The following ZNF385D variants were observed in gnomAD, a reference collection of about 807,000 sequenced individuals.
ZNF385D encodes zinc finger protein 385D.
In ZNF385D, 15 loss-of-function variants were observed where a neutral mutation model predicts 35.8. The observed-to-expected ratio is 0.42, with a 90% CI of 0.28 to 0.64. The LOEUF is 0.64. Ranked by LOEUF, ZNF385D falls within the 30% of genes least tolerant of loss-of-function variation. ZNF385D has a pLI of 0.23. For missense variants in ZNF385D, 474 were observed against 494.6 expected, an observed-to-expected ratio of 0.96 and a Z score of 0.39; for synonymous variants, 212 against 186.8, an observed-to-expected ratio of 1.13 and a Z score of -1.10.
Position 22,155,335 on chromosome 3 carries a change from T to C in ZNF385D, c.325+13482A>G, listed in dbSNP as rs1173604404. Among the ~76,000 whole-genome samples the C allele has an allele frequency of 2.0e-5, 3 of 152,180 alleles. No individual in the cohort carries two copies. In the East Asian group the frequency reaches 5.8e-4, roughly 29 times the overall value. On this transcript the variant is annotated intron_variant, in intron 3 of 5. Coordinates refer to the ZNF385D transcript ENST00000494108. ...TTTTTTCCATCAGAAATGAAATGAA[T>C]TAAAATAGTCCCTGATGCTTGTATT...
intron 2 of ZNF385D, among the ~76,000 whole-genome samples, chr3:22,283,745 C>T (rs902805449): frequency 2.0e-5 from 3 of 152,082 alleles, no homozygotes; most frequent in African/African-American, 7.2e-5. Context: ...TCAGTCTGTT[C>T]CCTAGCACAG....
chr3:21,730,688 A>T (rs1442920747), intron 1 of ZNF385D, among the ~76,000 whole-genome samples: 1 of 152,248 alleles, frequency 6.6e-6, no homozygotes, highest in African/African-American at 2.4e-5. Context: ...ACAACTGCTC[A>T]TGAGTTCTTA....
chr3:21,580,747 A>G (rs1220664694), intron 2 of ZNF385D, among the ~76,000 whole-genome samples: 1 of 152,002 alleles, frequency 6.6e-6, no homozygotes, highest in East Asian at 1.9e-4. Flanking sequence ...TGTTTTGCTC[A>G]AAAATGCAAA....
At chr3:21,738,056 T>C (rs554700096) in intron 1 of ZNF385D, among the ~76,000 whole-genome samples, 38 of 152,364 alleles carry the variant, frequency 2.5e-4, no homozygotes, top group Non-Finnish European at 1.5e-4. Flanking sequence ...GCAGACTTCC[T>C]GAAAGGGACC....
chr3:22,229,660 T>TCTTG (rs1295354388), intron 2 of ZNF385D, among the ~76,000 whole-genome samples: 1 of 152,192 alleles, frequency 6.6e-6, no homozygotes, highest in Non-Finnish European at 1.5e-5. Flanking sequence ...CTCAAGCCAC[T>TCTTG]CTTGGTCAAA....
At chr3:21,840,060 G>A (rs554593848) in intron 3 of ZNF385D, among the ~76,000 whole-genome samples, 9 of 152,150 alleles carry the variant, frequency 5.9e-5, no homozygotes, top group East Asian at 5.8e-4. Flanking sequence ...GAAAAAAGAA[G>A]AATGTGATAA....
Position 21,856,476 on chromosome 3 carries a change from T to G in ZNF385D, c.326-191448A>C, listed in dbSNP as rs144815063. Among the ~76,000 whole-genome samples, 1,440 of 152,184 alleles carry G rather than the reference T, an allele frequency of 9.5e-3. 72 individuals carry two copies. Among genetic ancestry groups the G allele is most frequent in the Admixed American group, 0.088 (1,338 of 15,266 alleles). On this transcript the variant is annotated intron_variant, in intron 3 of 5. Transcript: ENST00000494108. ...ATCAATAAACACTTCAAAATTAACA[T>G]GTAAAATATGCAACTCTTGATCTTT...
At chr3:21,893,632 T>C (rs1274907203) in intron 3 of ZNF385D, among the ~76,000 whole-genome samples, 1 of 152,190 alleles carries the variant, frequency 6.6e-6, no homozygotes, top group Non-Finnish European at 1.5e-5. Flanking sequence ...AGAAGTTCAT[T>C]TGAAATTCTA....
intron 1 of ZNF385D, among the ~76,000 whole-genome samples, chr3:21,718,573 T>C (rs1278477901): frequency 3.9e-5 from 6 of 152,248 alleles, no homozygotes; most frequent in African/African-American, 1.2e-4. Context: ...ATTATCTCTA[T>C]AGATGAGAAA....
intron 2 of ZNF385D, among the ~76,000 whole-genome samples, chr3:22,184,050 G>T (rs1414809228): frequency 1.3e-5 from 2 of 152,234 alleles, no homozygotes; most frequent in African/African-American, 4.8e-5. Context: ...TGAATTCAAA[G>T]ATCACTTTTA....
At chr3:22,144,572 CAAAAAAAAAAAA>C (rs10536394) in intron 3 of ZNF385D, among the ~76,000 whole-genome samples, 9 of 67,580 alleles carry the variant, frequency 1.3e-4, no homozygotes, top group East Asian at 5.3e-4. Context: ...GACTCCATTT[CAAAAAAAAAAAA>C]AAAAAAAAAA....
rs150459639 is a variant in ZNF385D, at chr3:21,739,356, C to T, written c.22+11539G>A. 1.8e-3 allele frequency among the ~76,000 whole-genome samples: 275 copies of T among 152,268 alleles called. 1 individual carries two copies. The highest frequency in any genetic ancestry group is 3.1e-3 in the Non-Finnish European group (210 of 68,014). ...CCACGGACATTTTTAATGGAAGCTG[C>T]GGTGGAGGAGCTGCCTTGACTGTGT... On this transcript the variant is annotated intron_variant, in intron 1 of 7. Coordinates refer to ENST00000281523, the MANE Select transcript of ZNF385D (RefSeq NM_024697.3).
chr3:21,732,005 T>C (rs564583878), intron 1 of ZNF385D, among the ~76,000 whole-genome samples: 7 of 147,820 alleles, frequency 4.7e-5, no homozygotes, highest in Non-Finnish European at 8.9e-5. Flanking sequence ...AAAGCTTCTA[T>C]TCAGGGTTTT....
At chr3:21,966,817 A>T (rs2125330919) in intron 3 of ZNF385D, among the ~76,000 whole-genome samples, 1 of 152,296 alleles carries the variant, frequency 6.6e-6, no homozygotes, top group East Asian at 1.9e-4. Context: ...CCTGGCCTCA[A>T]GTGATCTGCC....
chr3:21,908,104 A>C (rs912922320), intron 3 of ZNF385D, among the ~76,000 whole-genome samples: 1 of 145,876 alleles, frequency 6.9e-6, no homozygotes, highest in Non-Finnish European at 1.5e-5. Context: ...CTATATCTAT[A>C]TATCTTTCTC....
chr3:21,636,546 G>A (rs1434373661), intron 2 of ZNF385D, among the ~76,000 whole-genome samples: 2 of 151,358 alleles, frequency 1.3e-5, no homozygotes, highest in Non-Finnish European at 2.9e-5. Flanking sequence ...TCAAGGGCAG[G>A]AAGCATCCAG....
chr3:21,860,669 G>C (rs1696999288), intron 3 of ZNF385D, among the ~76,000 whole-genome samples: 1 of 152,130 alleles, frequency 6.6e-6, no homozygotes, highest in African/African-American at 2.4e-5. Flanking sequence ...CCTTTCAATA[G>C]TTTTCAAAGT....
intron 3 of ZNF385D, among the ~76,000 whole-genome samples, chr3:22,118,850 G>T (rs1362236730): frequency 1.3e-5 from 2 of 151,968 alleles, no homozygotes; most frequent in African/African-American, 4.8e-5. Context: ...ATACAAATTT[G>T]AGCATTTCAC....
rs992333917 is a variant in ZNF385D, at chr3:21,800,022, T to C, written c.326-134994A>G. ...TTGAAAAGACCATTATTTCCAAAGA[T>C]TATTCTTTATTCTTGTTAAAAATCA... On this transcript the variant is annotated intron_variant, in intron 3 of 5. Transcript: ENST00000494108. Among the ~76,000 whole-genome samples, 5 of 152,178 alleles carry C rather than the reference T, an allele frequency of 3.3e-5. No homozygotes were observed. The South Asian group carries it at 1.0e-3, about 31-fold the overall frequency.
Sources: gnomAD v4.1 joint callset for allele counts (sites outside exome capture counted in the v4.1 genomes callset) on GRCh38, gnomAD v4.1.1 for gene constraint, MANE v1.5 for transcripts, NCBI Gene and HGNC (gene_info 2026-07-23, HGNC 2026-07-21) for gene names.